Variants in FGF13 observed in about 807,000 individuals in gnomAD.
FGF13 encodes the protein fibroblast growth factor homologous factor 2.
Under a neutral mutation model 19.5 loss-of-function variants are expected in FGF13, and 2 were observed. The observed-to-expected ratio is 0.10, with a 90% CI of 0.04 to 0.32. The LOEUF (loss-of-function observed/expected upper bound fraction) is 0.32. Ranked by LOEUF, FGF13 falls within the 10% of genes least tolerant of loss-of-function variation. The pLI is 1.00. For synonymous variants in FGF13, 72 were observed against 76.9 expected, an observed-to-expected ratio of 0.94 and a Z score of 0.33; for missense variants, 113 against 192.7, an observed-to-expected ratio of 0.59 and a Z score of 2.45.
At chrX:138,739,270 G>C in exon 1 of FGF13, 1 of 1,183,640 alleles carries the variant, frequency 8.4e-7, no homozygotes, top group South Asian at 1.8e-5. Flanking sequence ...ACAAAGCCAT[G>C]CTTCTTTATA....
chrX:138,697,954 A>G (rs1032114748), intron 3 of FGF13, among the ~76,000 whole-genome samples: 1 of 111,774 alleles, frequency 8.9e-6, no homozygotes, highest in African/African-American at 3.3e-5. Context: ...GCTTGTGTAC[A>G]ACTCCTTATT....
In FGF13 at chrX:138,998,507, G is replaced by GA. The variant is rs139813304; in HGVS notation, c.-112-133858dup. Among the ~76,000 whole-genome samples, 66 of 100,388 alleles carry GA rather than the reference G, an allele frequency of 6.6e-4. 2 individuals are homozygous for GA. Among genetic ancestry groups the GA allele is most frequent in the African/African-American group, 2.3e-3 (62 of 27,427 alleles). 87.2% of individuals were successfully genotyped at this position (100,388 alleles called of 115,157 possible). ...GGATGATTTACCAAGCAAATGGAAA[G>GA]AAAAAAAAAAAAGCAGGGGTTGCAA... On this transcript the variant is annotated intron_variant, in intron 1 of 2. Transcript: ENST00000421460.
chrX:138,633,009 G>A (rs1283796149), intron 4 of FGF13, 23 bp from the exon 5 acceptor site: 11 of 1,191,700 alleles, frequency 9.2e-6, no homozygotes, highest in African/African-American at 3.5e-5. Context: ...CAAAGATGGT[G>A]TAAAAGGCCT....
chrX:138,822,836 C>T (rs2091007826), intron 3 of FGF13, among the ~76,000 whole-genome samples: 1 of 112,149 alleles, frequency 8.9e-6, no homozygotes. Context: ...TTACTGAATG[C>T]CTAGGCAGTG....
At chrX:138,805,621 G>T in intron 3 of FGF13, among the ~76,000 whole-genome samples, 1 of 111,634 alleles carries the variant, frequency 9.0e-6, no homozygotes, top group Non-Finnish European at 1.9e-5. Context: ...AAGCATAAAG[G>T]CCAGTTAAAT....
intron 1 of FGF13, among the ~76,000 whole-genome samples, chrX:138,934,072 G>C (rs190630939): frequency 8.9e-6 from 1 of 112,191 alleles, no homozygotes; most frequent in Non-Finnish European, 1.9e-5. Context: ...AGGTTACTTA[G>C]AATTTCGGTG....
intron 1 of FGF13, among the ~76,000 whole-genome samples, chrX:138,733,930 G>A (rs2090252355): frequency 9.0e-6 from 1 of 110,972 alleles, no homozygotes; most frequent in Admixed American, 9.6e-5. Flanking sequence ...GTTTTCCTTT[G>A]GAGTACTAAG....
downstream of FGF13, among the ~76,000 whole-genome samples, chrX:138,852,825 C>T (rs1184757206): frequency 1.8e-5 from 2 of 111,358 alleles, no homozygotes; most frequent in Non-Finnish European, 3.8e-5. Context: ...GGTCTAATAT[C>T]CAGAGCCTAA....
chrX:139,013,477 TTTTATATATATATATATA>T (rs1196434788), intron 1 of FGF13, among the ~76,000 whole-genome samples: 1 of 64,746 alleles, frequency 1.5e-5, no homozygotes, highest in African/African-American at 6.8e-5. Flanking sequence ...ATAAAGAAAA[TTTTATATATATATATATA>T]TATATATATA....
At chrX:138,658,029 C>G (rs889051400) in intron 3 of FGF13, among the ~76,000 whole-genome samples, 1 of 111,140 alleles carries the variant, frequency 9.0e-6, no homozygotes, top group African/African-American at 3.3e-5. Flanking sequence ...GAGGATCAGT[C>G]GTGAAAGTGG....
At chrX:138,967,403 C>T (rs5929955) in intron 1 of FGF13, among the ~76,000 whole-genome samples, 14 of 110,302 alleles carry the variant, frequency 1.3e-4, no homozygotes, top group Admixed American at 5.8e-4. Context: ...ACAATTTAAA[C>T]GTAAATTTCT....
chrX:138,891,949 C>G (rs988930297), intron 1 of FGF13, among the ~76,000 whole-genome samples: 1 of 107,715 alleles, frequency 9.3e-6, no homozygotes, highest in African/African-American at 3.5e-5. Context: ...ATCTTGTGAT[C>G]GTGTAAGTTA....
chrX:139,124,130 C>T (rs1439956701), intron 1 of FGF13, among the ~76,000 whole-genome samples: 1 of 112,146 alleles, frequency 8.9e-6, no homozygotes, highest in Non-Finnish European at 1.9e-5. Context: ...TCTTTGTTCA[C>T]CAGTGAACCC....
At chrX:139,196,991 C>T (rs2084377187) in intron 1 of FGF13, among the ~76,000 whole-genome samples, 1 of 112,199 alleles carries the variant, frequency 8.9e-6, no homozygotes, top group Non-Finnish European at 1.9e-5. Flanking sequence ...GAAAGCTCTA[C>T]CCCAGGCAAT....
intron 1 of FGF13, among the ~76,000 whole-genome samples, chrX:138,913,700 GGAAGGAAA>G (rs1170821227): frequency 3.3e-4 from 26 of 79,943 alleles, no homozygotes; most frequent in African/African-American, 9.3e-4. Context: ...AAGGAAGGAA[GGAAGGAAA>G]GAAAACTATC....
chrX:138,955,340 A>C (rs1215862948), intron 1 of FGF13, among the ~76,000 whole-genome samples: 6 of 112,309 alleles, frequency 5.3e-5, no homozygotes. Context: ...TCCGTTCAAC[A>C]GGGATACAGA....
chrX:138,980,296 C>A (rs2091958123), intron 1 of FGF13, among the ~76,000 whole-genome samples: 1 of 111,234 alleles, frequency 9.0e-6, no homozygotes, highest in African/African-American at 3.3e-5. Context: ...CCGAGCCAAA[C>A]CTTACCTGAT....
At position 138,622,671 on chromosome X, in the gene FGF13, C is replaced by T. The variant is rs749272200; in HGVS notation, c.*10179G>A. 4.5e-5 allele frequency: 5 copies of T among 112,094 alleles called. No individual in the cohort carries two copies. The highest frequency in any genetic ancestry group is 9.4e-5 in the Non-Finnish European group (5 of 53,141). The allele number at this position is 112,094 out of a possible 1,213,427, so 9.2% of individuals were successfully genotyped here. A position where few individuals can be genotyped will look rare whatever the true frequency, so the allele number is the denominator to read the frequency against. On this transcript the variant is annotated 3_prime_UTR_variant, in exon 5 of 5. Transcript: ENST00000315930. ...ACGGAAGAAGTAAAATGGTCTGTTT[C>T]AAATCACATGCTCTTCAATACAGAA...
chrX:138,870,482 T>C (rs1190753037), intron 1 of FGF13, among the ~76,000 whole-genome samples: 1 of 111,889 alleles, frequency 8.9e-6, no homozygotes, highest in Non-Finnish European at 1.9e-5. Flanking sequence ...TCCCATACCT[T>C]CTATTTGTCT....
Sources: gnomAD v4.1 joint callset for allele counts (sites outside exome capture counted in the v4.1 genomes callset) on GRCh38, gnomAD v4.1.1 for gene constraint, MANE v1.5 for transcripts, NCBI Gene and HGNC (gene_info 2026-07-23, HGNC 2026-07-21) for gene names.